The following TMEM117 variants were observed in gnomAD, a reference collection of about 807,000 sequenced individuals.
TMEM117 encodes the protein transmembrane protein 117.
A neutral mutation model predicts 52.4 loss-of-function variants in TMEM117; 27 were observed. The ratio of observed to expected loss-of-function variants is 0.51; its 90% CI spans 0.38 to 0.71. The LOEUF is 0.71. Among genes scored for constraint, TMEM117 ranks in the 30% least tolerant of loss-of-function variants. The probability of loss-of-function intolerance (pLI) is 0.00; values close to 1 mark genes in which losing one functional copy is unlikely to be tolerated. For synonymous variants in TMEM117, 215 were observed against 206.3 expected, an observed-to-expected ratio of 1.04 and a Z score of -0.36; for missense variants, 556 against 630.5, an observed-to-expected ratio of 0.88 and a Z score of 1.26.
chr12:44,161,185 G>A lies in TMEM117; in HGVS notation c.510+17561G>A, dbSNP rs555689702. ...CATAAACACAAATTAAACCCTGGAAGTTTGTGACTATAATTGTGTTTTGAT... is the reference window on the plus strand; with the variant it reads ...CATAAACACAAATTAAACCCTGGAAATTTGTGACTATAATTGTGTTTTGAT... On this transcript the variant is annotated intron_variant, in intron 4 of 7. Transcript: ENST00000266534. Among the ~76,000 whole-genome samples the A allele has an allele frequency of 1.7e-3, 260 of 152,234 alleles. 1 individual carries two copies. Among genetic ancestry groups the A allele is most frequent in the African/African-American group, 5.9e-3 (244 of 41,552 alleles).
intron 3 of TMEM117, among the ~76,000 whole-genome samples, chr12:44,026,548 T>G (rs902597122): frequency 1.3e-5 from 2 of 152,196 alleles, no homozygotes; most frequent in African/African-American, 4.8e-5. Flanking sequence ...CACTGTAGGT[T>G]TTTTTGTAGC....
intron 6 of TMEM117, among the ~76,000 whole-genome samples, chr12:44,308,971 C>G (rs1454054326): frequency 6.6e-6 from 1 of 152,038 alleles, no homozygotes; most frequent in Non-Finnish European, 1.5e-5. Flanking sequence ...TCTATGGGCT[C>G]CTCTATGAGC....
chr12:43,861,105 C>A (rs1287536784), intron 2 of TMEM117, among the ~76,000 whole-genome samples: 1 of 152,114 alleles, frequency 6.6e-6, no homozygotes, highest in Non-Finnish European at 1.5e-5. Context: ...TGTGCCTGTT[C>A]CCCATCCCTG....
At chr12:43,944,567 A>G (rs1198834675) in intron 3 of TMEM117, among the ~76,000 whole-genome samples, 1 of 151,874 alleles carries the variant, frequency 6.6e-6, no homozygotes, top group Admixed American at 6.6e-5. Flanking sequence ...ATCCTTTAGG[A>G]CTTTTATATA....
chr12:44,285,608 A>T (rs1378285091), intron 5 of TMEM117, among the ~76,000 whole-genome samples: 1 of 152,130 alleles, frequency 6.6e-6, no homozygotes, highest in African/African-American at 2.4e-5. Flanking sequence ...TTCCTTCCCT[A>T]CTTCCTAAAG....
chr12:44,119,026 G>A (rs1948191250), intron 3 of TMEM117, among the ~76,000 whole-genome samples: 1 of 152,126 alleles, frequency 6.6e-6, no homozygotes, highest in African/African-American at 2.4e-5. Context: ...AAGTTTTACT[G>A]TTAATTTTTT....
chr12:43,837,061 G>A (rs1943043938), intron 1 of TMEM117, among the ~76,000 whole-genome samples: 2 of 151,620 alleles, frequency 1.3e-5, no homozygotes, highest in Admixed American at 1.3e-4. Flanking sequence ...TTTTTGTAAA[G>A]TATTGACATT....
chr12:44,118,840 CA>C (rs1251715657), intron 3 of TMEM117, among the ~76,000 whole-genome samples: 1 of 152,118 alleles, frequency 6.6e-6, no homozygotes, highest in Non-Finnish European at 1.5e-5. Flanking sequence ...TACCCTTTGT[CA>C]CGAGTAGGTT....
Position 44,139,628 on chromosome 12 carries a change from T to C in TMEM117, c.411-3897T>C, listed in dbSNP as rs1039085416. Among the ~76,000 whole-genome samples the C allele has an allele frequency of 3.3e-5, 5 of 152,076 alleles. No homozygotes were observed. In the East Asian group the frequency reaches 9.6e-4, roughly 29 times the overall value. On this transcript the variant is annotated intron_variant, in intron 3 of 7. Coordinates refer to ENST00000266534, the MANE Select transcript of TMEM117 (RefSeq NM_032256.3). Reference sequence around the variant, plus strand: ...TAGTTACTTAGAAGGCTGGTAGAACTGCAAGATTTTCTAGATAGTGGAAAA... The same window carrying C: ...TAGTTACTTAGAAGGCTGGTAGAACCGCAAGATTTTCTAGATAGTGGAAAA...
chr12:44,257,859 A>G (rs143620677), intron 5 of TMEM117, among the ~76,000 whole-genome samples: 24 of 152,246 alleles, frequency 1.6e-4, no homozygotes, highest in African/African-American at 5.1e-4. Context: ...TTATGCACAT[A>G]TGTTTTTGGA....
chr12:43,812,486 T>G, the TMEM117 span, among the ~76,000 whole-genome samples: 38,022 of 152,084 alleles, frequency 0.25, 5,247 homozygotes, highest in African/African-American at 0.37. Context: ...GTGCACCTTG[T>G]AGAGAAAGGA....
intron 3 of TMEM117, chr12:44,009,190 AT>A: frequency 1.1e-5 from 3 of 268,036 alleles, no homozygotes; most frequent in Non-Finnish European, 2.2e-5. Context: ...TATCACCATG[AT>A]TTTCCCTGCC....
intron 4 of TMEM117, among the ~76,000 whole-genome samples, chr12:44,182,509 A>C (rs1045172993): frequency 6.6e-6 from 1 of 152,230 alleles, no homozygotes; most frequent in Non-Finnish European, 1.5e-5. Context: ...ACAACGCTTC[A>C]TGCTAAAAAC....
chr12:44,080,455 C>G (rs866996601), intron 3 of TMEM117, among the ~76,000 whole-genome samples: 1 of 152,024 alleles, frequency 6.6e-6, no homozygotes, highest in Non-Finnish European at 1.5e-5. Context: ...TCCCATGACA[C>G]GTGGAGATTA....
intron 3 of TMEM117, among the ~76,000 whole-genome samples, chr12:44,087,946 A>T (rs1205370799): frequency 6.6e-6 from 1 of 152,202 alleles, no homozygotes; most frequent in African/African-American, 2.4e-5. Flanking sequence ...TTGATATCAG[A>T]AGTCTTTTAC....
chr12:44,144,094 A>T (rs1468467212), intron 4 of TMEM117, among the ~76,000 whole-genome samples: 1 of 152,178 alleles, frequency 6.6e-6, no homozygotes, highest in Non-Finnish European at 1.5e-5. Context: ...CATTTTCTAC[A>T]TTTATTTTCC....
At chr12:43,995,462 A>G (rs957835400) in intron 3 of TMEM117, among the ~76,000 whole-genome samples, 2 of 152,128 alleles carry the variant, frequency 1.3e-5, no homozygotes, top group Non-Finnish European at 2.9e-5. Flanking sequence ...GATAGATTGG[A>G]ACTCTCTCTC....
chr12:44,152,010 A>G (rs1948736649), intron 4 of TMEM117, among the ~76,000 whole-genome samples: 1 of 120,028 alleles, frequency 8.3e-6, no homozygotes, highest in Admixed American at 1.0e-4. Context: ...AATATAATAT[A>G]TATTATATAT....
chr12:44,267,083 G>T (rs920405429), intron 5 of TMEM117, among the ~76,000 whole-genome samples: 2 of 152,014 alleles, frequency 1.3e-5, no homozygotes, highest in African/African-American at 4.8e-5. Flanking sequence ...GGATTATATT[G>T]AATATGTATA....
Sources: allele counts gnomAD v4.1 joint callset (sites outside exome capture counted in the v4.1 genomes callset), GRCh38; gene constraint gnomAD v4.1.1; transcripts MANE v1.5; gene names NCBI Gene and HGNC (gene_info 2026-07-23, HGNC 2026-07-21).